STK33: variants seen among roughly 807,000 people sequenced by gnomAD.
STK33 encodes the protein serine/threonine kinase 33, also known as serine/threonine-protein kinase 33.
STK33 carries 52 observed loss-of-function variants against 58.0 expected under a neutral mutation model. That is an observed-to-expected ratio of 0.90 (90% confidence interval 0.72 to 1.13). STK33 has a LOEUF of 1.13. Among genes scored for constraint, STK33 ranks in the 50% most tolerant of loss-of-function variants. STK33 has a pLI of 0.00. For synonymous variants in STK33, 215 were observed against 200.1 expected (o/e 1.07, Z -0.63); for missense variants, 630 against 604.2 (o/e 1.04, Z -0.45).
At chr11:8,531,895 A>C (rs1315083713) in intron 1 of STK33, among the ~76,000 whole-genome samples, 2 of 152,258 alleles carry the variant, frequency 1.3e-5, no homozygotes, top group African/African-American at 4.8e-5. Flanking sequence ...TTCTAGCAAA[A>C]TGTAAATTCC....
At chr11:8,356,211 T>C in the STK33 span, among the ~76,000 whole-genome samples, 1 of 152,174 alleles carries the variant, frequency 6.6e-6, no homozygotes, top group African/African-American at 2.4e-5. Flanking sequence ...GTTACAGGTA[T>C]GAAGCTCACC....
intron 5 of STK33, 41 bp downstream of exon 5, chr11:8,474,640 G>A (rs747186377): frequency 5.5e-6 from 8 of 1,456,232 alleles, no homozygotes; most frequent in African/African-American, 2.8e-5. Flanking sequence ...TAGGGAACGG[G>A]ATGTCAACTT....
chr11:8,386,538 AAGTGGCAGGC>A, the STK33 span, among the ~76,000 whole-genome samples: 1 of 152,162 alleles, frequency 6.6e-6, no homozygotes, highest in Non-Finnish European at 1.5e-5. Context: ...TCCTGGGACC[AAGTGGCAGGC>A]AGTGGCCTGG....
At chr11:8,585,649 C>T (rs2031440970) in intron 1 of STK33, among the ~76,000 whole-genome samples, 1 of 152,146 alleles carries the variant, frequency 6.6e-6, no homozygotes, top group Admixed American at 6.5e-5. Context: ...GTGGCTCACG[C>T]CTGTATTCCA....
Position 8,392,414 on chromosome 11 carries a change from G to T in STK33, c.*96C>A. ...GCTCTGTGGAGCTAAAAGGCTACAA[G>T]CTCAGCATAGGGCTGTCTTCTTCCC... On this transcript the variant is annotated 3_prime_UTR_variant, in exon 16 of 16. Transcript: ENST00000687296. 1.4e-6 allele frequency: 2 copies of T among 1,408,676 alleles called. No homozygotes were observed. The highest frequency in any genetic ancestry group is 2.0e-6 in the Non-Finnish European group (2 of 1,016,290). The allele number at this position is 1,408,676 out of a possible 1,614,324, so 87.3% of individuals were successfully genotyped here.
At chr11:8,538,257 T>C (rs974796436) in intron 1 of STK33, among the ~76,000 whole-genome samples, 2 of 151,986 alleles carry the variant, frequency 1.3e-5, no homozygotes, top group Non-Finnish European at 2.9e-5. Flanking sequence ...CTATAATGAG[T>C]ATCTTATACA....
the STK33 span, among the ~76,000 whole-genome samples, chr11:8,373,596 T>C: frequency 2.0e-5 from 3 of 151,816 alleles, no homozygotes; most frequent in African/African-American, 4.8e-5. Context: ...GGGCTCAGGG[T>C]GGTCTCAGGC....
chr11:8,542,741 G>C (rs79431732), intron 1 of STK33, among the ~76,000 whole-genome samples: 16 of 151,830 alleles, frequency 1.1e-4, no homozygotes, highest in Admixed American at 1.1e-3. Flanking sequence ...TTTTTTTTAA[G>C]ACACTCTGTC....
chr11:8,479,371 T>G (rs1949591695), intron 2 of STK33, among the ~76,000 whole-genome samples: 1 of 149,842 alleles, frequency 6.7e-6, no homozygotes, highest in Admixed American at 6.7e-5. Context: ...AGGCGGAGAT[T>G]GCAGTGAGCC....
chr11:8,338,651 G>A, the STK33 span, among the ~76,000 whole-genome samples: 3 of 152,220 alleles, frequency 2.0e-5, no homozygotes, highest in East Asian at 5.8e-4. Flanking sequence ...ACCCTGGTTG[G>A]CCAAAGGATA....
chr11:8,551,156 G>A (rs1956273550), intron 1 of STK33, among the ~76,000 whole-genome samples: 1 of 151,840 alleles, frequency 6.6e-6, no homozygotes, highest in Non-Finnish European at 1.5e-5. Flanking sequence ...TGGAGACAGA[G>A]TCTTGTTCTA....
At chr11:8,519,043 T>G (rs1953106895) in intron 1 of STK33, among the ~76,000 whole-genome samples, 1 of 152,200 alleles carries the variant, frequency 6.6e-6, no homozygotes, top group African/African-American at 2.4e-5. Flanking sequence ...TATACATTCT[T>G]CTCAGCACCA....
chr11:8,426,339 A>G (rs140886613), intron 14 of STK33, among the ~76,000 whole-genome samples: 131 of 152,248 alleles, frequency 8.6e-4, no homozygotes, highest in African/African-American at 3.1e-3. Context: ...AGTGACTCTC[A>G]ATGTCCAGCT....
rs1359684878 is a variant in STK33 at position 8,557,930 on chromosome 11, A to G, written c.-466+36153T>C. 3.3e-5 allele frequency among the ~76,000 whole-genome samples: 5 copies of G among 152,236 alleles called. No individual in the cohort carries two copies. The East Asian group carries it at 9.6e-4, about 29-fold the overall frequency. ...ACGATTAGCAATGTAATGAACCTTA[A>G]GTCACAGAAGTCTAGAGAAGTCCAA... On this transcript the variant is annotated intron_variant, in intron 1 of 15. Coordinates refer to ENST00000687296, the MANE Select transcript of STK33 (RefSeq NM_001352389.2).
chr11:8,567,313 A>G (rs1166456806), intron 1 of STK33: 1 of 152,192 alleles, frequency 6.6e-6, no homozygotes, highest in Non-Finnish European at 1.5e-5. Context: ...GAAAAAGTGA[A>G]TATTACCTAC....
chr11:8,588,126 C>G lies in STK33; in HGVS notation c.-466+5957G>C, dbSNP rs949094375. Among the ~76,000 whole-genome samples, 8 of 152,246 alleles carry G rather than the reference C, an allele frequency of 5.3e-5. No individual in the cohort carries two copies. The East Asian group carries it at 9.7e-4, about 18-fold the overall frequency. ...TTCCATTCCCTTATAAGGTCACTAA[C>G]AGCATTCATGAGGGCTCCACCCTCA... On this transcript the variant is annotated intron_variant, in intron 1 of 15. Transcript: ENST00000687296.
At chr11:8,402,416 G>A (rs559639393) in intron 15 of STK33, among the ~76,000 whole-genome samples, 1 of 152,212 alleles carries the variant, frequency 6.6e-6, no homozygotes, top group South Asian at 2.1e-4. Flanking sequence ...ATTGAACAAT[G>A]AGAACAGATG....
At chr11:8,373,329 T>TA in the STK33 span, among the ~76,000 whole-genome samples, 1 of 152,156 alleles carries the variant, frequency 6.6e-6, no homozygotes, top group Non-Finnish European at 1.5e-5. Context: ...ATGAGGGGGC[T>TA]ACAAAGTCAC....
intron 1 of STK33, among the ~76,000 whole-genome samples, chr11:8,553,293 C>T (rs1956499289): frequency 7.1e-6 from 1 of 140,072 alleles, no homozygotes; most frequent in East Asian, 2.1e-4. Flanking sequence ...AAACCAGTAA[C>T]ATAATTGCTT....
Sources: allele counts gnomAD v4.1 joint callset (sites outside exome capture counted in the v4.1 genomes callset), GRCh38; gene constraint gnomAD v4.1.1; transcripts MANE v1.5; gene names NCBI Gene and HGNC (gene_info 2026-07-23, HGNC 2026-07-21).